Variants in TP73 observed in about 807,000 individuals in gnomAD.
The protein encoded by TP73 is tumor protein p73, also known as p53-like transcription factor.
Under a neutral mutation model 62.5 loss-of-function variants are expected in TP73, and 25 were observed. That is an observed-to-expected ratio of 0.40 (90% CI 0.29 to 0.56). The LOEUF (loss-of-function observed/expected upper bound fraction) is 0.56. TP73 is among the 20% of genes least tolerant of loss of function. The pLI, the probability that TP73 is intolerant of heterozygous loss-of-function variation, is 0.46. For synonymous variants in TP73, 423 were observed against 377.5 expected (o/e 1.12, Z -1.40); for missense variants, 754 against 913.3 (o/e 0.83, Z 2.25).
Position 3,732,793 on chromosome 1 carries a change from G to GGCGGGGCCT in TP73, c.1628_1636dup (p.Arg543_Leu545dup). On this transcript the variant is annotated inframe_insertion, in exon 14 of 14. Coordinates refer to ENST00000378295, the MANE Select transcript of TP73 (RefSeq NM_005427.4). Reference sequence around the variant, plus strand: ...CCCGAGCAGTACCGCATGACCATCTGGCGGGGCCTGCAGGACCTGAAGCAG... The same window carrying GGCGGGGCCT: ...CCCGAGCAGTACCGCATGACCATCTGGCGGGGCCTGCGGGGCCTGCAGGACCTGAAGCAG... 6.2e-7 allele frequency: 1 copy of GGCGGGGCCT among 1,604,188 alleles called. No homozygotes were observed.
At chr1:3,697,016 TGA>T (rs1638720579) in intron 3 of TP73, among the ~76,000 whole-genome samples, 1 of 152,158 alleles carries the variant, frequency 6.6e-6, no homozygotes, top group Admixed American at 6.5e-5. Context: ...TATCTTCCCC[TGA>T]GAGGGGATGG....
At chr1:3,671,251 G>A (rs1257211201) in intron 1 of TP73, among the ~76,000 whole-genome samples, 1 of 152,218 alleles carries the variant, frequency 6.6e-6, no homozygotes, top group Admixed American at 6.5e-5. Context: ...CTGGGAGCGT[G>A]ACGGGAAGCA....
At chr1:3,721,338 A>G (rs1054849992) in intron 4 of TP73, among the ~76,000 whole-genome samples, 2 of 152,228 alleles carry the variant, frequency 1.3e-5, no homozygotes. Context: ...AGCTGGGGAT[A>G]CTGGGGCTGT....
Position 3,733,509 on chromosome 1 carries a change from C to T in TP73, c.*430C>T, listed in dbSNP as rs561125661. The T allele has an allele frequency of 2.4e-5, 5 of 211,628 alleles. No individual in the cohort carries two copies. Among genetic ancestry groups the T allele is most frequent in the South Asian group, 2.1e-4 (2 of 9,346 alleles). The allele number at this position is 211,628 out of a possible 1,614,324, so 13.1% of individuals were successfully genotyped here. ...TGATGGACTGCCAAAAAGTATTTTG[C>T]GACATCTTTTGGTTCTGGATAGTAG... On this transcript the variant is annotated 3_prime_UTR_variant, in exon 14 of 14. Coordinates refer to ENST00000378295, the MANE Select transcript of TP73 (RefSeq NM_005427.4).
intron 13 of TP73, 43 bp from the exon 14 acceptor site, chr1:3,732,704 C>T (rs1006562463): frequency 2.0e-6 from 3 of 1,522,634 alleles, no homozygotes; most frequent in South Asian, 2.5e-5. Context: ...CCTGCTCTCC[C>T]TGCTCCACTG....
chr1:3,714,720 G>A (rs1640446950), intron 4 of TP73, among the ~76,000 whole-genome samples: 1 of 152,244 alleles, frequency 6.6e-6, no homozygotes, highest in Admixed American at 6.5e-5. Context: ...CAGAGGCTGA[G>A]TGTGGTGCTT....
chr1:3,668,617 G>A (rs1191297197), intron 1 of TP73: 1 of 151,378 alleles, frequency 6.6e-6, no homozygotes, highest in African/African-American at 2.4e-5. Context: ...TAAAAGAGAG[G>A]TTCTTACCTG....
rs545560646 is a variant in TP73, at chr1:3,733,913, G to C, written c.*834G>C. ...AAATGATACCCTTTTCTACATGGTG[G>C]GTCAGCTTTTTTTTTTTTTTTTTTA... is the stretch of plus-strand genomic sequence containing the variant. On this transcript the variant is annotated 3_prime_UTR_variant, in exon 14 of 14. Transcript: ENST00000378295. 9.1e-5 allele frequency: 13 copies of C among 142,188 alleles called. No homozygotes were observed. Among genetic ancestry groups the C allele is most frequent in the African/African-American group, 2.7e-4 (11 of 40,220 alleles). The allele number at this position is 142,188 out of a possible 1,614,324, so 8.8% of individuals were successfully genotyped here. A position where few individuals can be genotyped will look rare whatever the true frequency, so the allele number is the denominator to read the frequency against.
chr1:3,690,784 C>A, intron 3 of TP73: 1 of 1,516,246 alleles, frequency 6.6e-7, no homozygotes, highest in Non-Finnish European at 8.9e-7. Context: ...CGGAGCCTCT[C>A]CCGCTCGGTC....
chr1:3,693,740 G>A (rs1218143127), intron 3 of TP73, among the ~76,000 whole-genome samples: 11 of 139,720 alleles, frequency 7.9e-5, no homozygotes, highest in Non-Finnish European at 3.1e-5. Flanking sequence ...CAGCCCTGCA[G>A]CCTCAGCTCC....
chr1:3,707,467 C>T, intron 3 of TP73, 82 bp from the exon 4 acceptor site: 4 of 1,535,684 alleles, frequency 2.6e-6, no homozygotes, highest in Non-Finnish European at 3.5e-6. Context: ...CTTTAAGGCT[C>T]CTGTAACAGG....
rs780001712 is a variant in TP73 at position 3,733,004 on chromosome 1, C to T, written c.1836C>T (p.Phe612=). Residue 612 remains phenylalanine (F), a synonymous_variant, in exon 14 of 14, where the codon TTC becomes TTT. Transcript: ENST00000378295. The part of the protein sequence containing the change: ...PGGGPDEWAD[F]GFDLPDCKAR... The stretch of plus-strand genomic sequence containing the variant: ...GCGGCCCTGACGAGTGGGCGGACTT[C>T]GGCTTCGACCTGCCCGACTGCAAGG... The T allele has an allele frequency of 1.1e-5, 18 of 1,569,886 alleles. No homozygotes were observed. The highest frequency in any genetic ancestry group is 8.1e-5 in the South Asian group (7 of 86,808).
At chr1:3,693,488 G>C (rs907642774) in intron 3 of TP73, among the ~76,000 whole-genome samples, 24 of 152,144 alleles carry the variant, frequency 1.6e-4, no homozygotes, top group Admixed American at 3.9e-4. Context: ...GTGTGGGCTT[G>C]GGGTCTGTCT....
chr1:3,690,804 G>T, intron 3 of TP73: 1 of 1,531,424 alleles, frequency 6.5e-7, no homozygotes. Flanking sequence ...CCACGCTGCC[G>T]GGCGGCCACG....
intron 1 of TP73, among the ~76,000 whole-genome samples, chr1:3,657,244 G>A (rs2101997857): frequency 6.6e-6 from 1 of 152,348 alleles, no homozygotes; most frequent in African/African-American, 2.4e-5. Context: ...GAGGCTCTGA[G>A]AGGGGGCTCG....
In TP73 at chr1:3,707,441, A is replaced by G. The variant is rs994202182; in HGVS notation, c.187-108A>G. 21 of 1,456,848 alleles carry G rather than the reference A, an allele frequency of 1.4e-5. No homozygotes were observed. In the Admixed American group the frequency reaches 4.4e-4, roughly 31 times the overall value. 90.2% of individuals were successfully genotyped at this position (1,456,848 alleles called of 1,614,324 possible). On this transcript the variant is annotated intron_variant, in intron 3 of 13. Transcript: ENST00000378295. ...GAGACCCGGGGAAATATTTGGGATG[A>G]CTGGAGCCGCTGGCCCTTTAAGGCT...
intron 12 of TP73, 104 bp from the exon 13 acceptor site, chr1:3,731,359 C>A: frequency 8.3e-7 from 1 of 1,205,864 alleles, no homozygotes; most frequent in Non-Finnish European, 1.2e-6. Flanking sequence ...CCTTCGGAGA[C>A]AGCGGCAGTC....
At chr1:3,683,038 T>C in intron 2 of TP73, 22 bp from the exon 3 acceptor site, 2 of 1,592,778 alleles carry the variant, frequency 1.3e-6, no homozygotes, top group South Asian at 1.1e-5. Flanking sequence ...CTGACGCTTC[T>C]ATTTTCCTCT....
At chr1:3,688,230 G>A (rs564826724) in intron 3 of TP73, among the ~76,000 whole-genome samples, 12 of 152,256 alleles carry the variant, frequency 7.9e-5, no homozygotes, top group South Asian at 2.1e-4. Flanking sequence ...GTGGGCTTTC[G>A]TGACAAAGCA....
Sources: allele counts gnomAD v4.1 joint callset (sites outside exome capture counted in the v4.1 genomes callset), GRCh38; gene constraint gnomAD v4.1.1; transcripts MANE v1.5; gene names NCBI Gene and HGNC (gene_info 2026-07-23, HGNC 2026-07-21).